SUSD4: variants seen among roughly 807,000 people sequenced by gnomAD.
The protein encoded by SUSD4 is sushi domain containing 4, also known as sushi domain-containing protein 4.
In SUSD4, 41 loss-of-function variants were observed where a neutral mutation model predicts 50.5. That is an observed-to-expected ratio of 0.81 (90% confidence interval 0.63 to 1.05). SUSD4 has a LOEUF of 1.05. Among genes scored for constraint, SUSD4 ranks in the 50% least tolerant of loss-of-function variants. SUSD4 has a pLI of 0.00. For missense variants in SUSD4, 580 were observed against 634.7 expected, an observed-to-expected ratio of 0.91 and a Z score of 0.93; for synonymous variants, 257 against 257.3, an observed-to-expected ratio of 1.00 and a Z score of 0.01.
intron 4 of SUSD4, among the ~76,000 whole-genome samples, chr1:223,265,218 T>C (rs1201546450): frequency 6.6e-6 from 1 of 152,110 alleles, no homozygotes; most frequent in African/African-American, 2.4e-5. Context: ...ACCGAGGTGC[T>C]GTAAGAGGAA....
At chr1:223,224,940 G>A (rs961309007) in intron 7 of SUSD4, among the ~76,000 whole-genome samples, 7 of 140,820 alleles carry the variant, frequency 5.0e-5, no homozygotes, top group Admixed American at 4.6e-4. Context: ...CACGATCTTG[G>A]CTCACTGAAA....
chr1:223,333,736 A>G (rs775507715), intron 2 of SUSD4, among the ~76,000 whole-genome samples: 1 of 152,160 alleles, frequency 6.6e-6, no homozygotes, highest in African/African-American at 2.4e-5. Flanking sequence ...TGCAGGGCTG[A>G]AAGCAGAGGG....
chr1:223,360,809 G>T (rs1217809152), intron 2 of SUSD4, among the ~76,000 whole-genome samples: 1 of 151,518 alleles, frequency 6.6e-6, no homozygotes, highest in Non-Finnish European at 1.5e-5. Context: ...TTTTGTGGAT[G>T]AAAAAAAAGC....
intron 3 of SUSD4, among the ~76,000 whole-genome samples, chr1:223,283,384 A>T (rs558563886): frequency 6.6e-6 from 1 of 152,354 alleles, no homozygotes; most frequent in African/African-American, 2.4e-5. Flanking sequence ...CAAATTTACA[A>T]GAAAAAAACA....
At chr1:223,244,255 C>A (rs537019491) in intron 5 of SUSD4, among the ~76,000 whole-genome samples, 2 of 152,208 alleles carry the variant, frequency 1.3e-5, no homozygotes, top group South Asian at 2.1e-4. Context: ...GGGGATTAGA[C>A]AACCAGGAGT....
At chr1:223,275,514 G>A (rs937201534) in intron 3 of SUSD4, among the ~76,000 whole-genome samples, 40 of 152,294 alleles carry the variant, frequency 2.6e-4, no homozygotes, top group African/African-American at 9.6e-4. Context: ...CCCTTCTCAT[G>A]GGCTGATGAC....
At chr1:223,361,439 C>T (rs1668972149) in intron 2 of SUSD4, among the ~76,000 whole-genome samples, 1 of 152,148 alleles carries the variant, frequency 6.6e-6, no homozygotes, top group East Asian at 1.9e-4. Flanking sequence ...AACCCTTACT[C>T]TCATCCTCTT....
At chr1:223,263,814 T>G (rs945033068) in intron 5 of SUSD4, 2 of 985,352 alleles carry the variant, frequency 2.0e-6, no homozygotes, top group African/African-American at 3.5e-5. Flanking sequence ...TATTCCATTG[T>G]TTTGCTTTGT....
In SUSD4 at chr1:223,229,560, C is replaced by T. The variant is rs573726086; in HGVS notation, c.725-172G>A. ...CTCTTTTTTAGTATTTCATGGAAGG[C>T]GGAATGGAAGCCTGCTGTAATATTC... On this transcript the variant is annotated intron_variant, in intron 5 of 8. Coordinates refer to ENST00000366878, the MANE Select transcript of SUSD4 (RefSeq NM_017982.4). The surrounding 1 kb of genome is among the most constrained non-coding windows in gnomAD (Gnocchi z 4.7). The T allele has an allele frequency of 6.7e-4, 394 of 588,756 alleles. 2 individuals carry two copies. Among genetic ancestry groups the T allele is most frequent in the African/African-American group, 5.6e-3 (302 of 54,408 alleles). 36.5% of individuals were successfully genotyped at this position (588,756 alleles called of 1,614,324 possible). A position where few individuals can be genotyped will look rare whatever the true frequency, so the allele number is the denominator to read the frequency against.
At chr1:223,316,991 C>G (rs1300494182) in intron 2 of SUSD4, among the ~76,000 whole-genome samples, 1 of 152,146 alleles carries the variant, frequency 6.6e-6, no homozygotes, top group East Asian at 1.9e-4. Context: ...AGAGGTTAGG[C>G]TGATGGAAGT....
At chr1:223,245,773 G>A (rs1393837529) in intron 5 of SUSD4, among the ~76,000 whole-genome samples, 1 of 152,192 alleles carries the variant, frequency 6.6e-6, no homozygotes, top group South Asian at 2.1e-4. Context: ...CCAATGTGGT[G>A]GGAAGAAGAG....
At chr1:223,276,116 C>A (rs749831085) in intron 3 of SUSD4, among the ~76,000 whole-genome samples, 2 of 152,222 alleles carry the variant, frequency 1.3e-5, no homozygotes, top group Non-Finnish European at 2.9e-5. Context: ...GGTAGGTCTG[C>A]ATTTTTCATA....
At chr1:223,244,518 A>C (rs1660790262) in intron 5 of SUSD4, among the ~76,000 whole-genome samples, 1 of 152,210 alleles carries the variant, frequency 6.6e-6, no homozygotes, top group African/African-American at 2.4e-5. Flanking sequence ...AACAGTCTCT[A>C]TCAAGAGAGG....
intron 2 of SUSD4, among the ~76,000 whole-genome samples, chr1:223,358,330 G>A (rs764424402): frequency 3.3e-5 from 5 of 152,240 alleles, no homozygotes; most frequent in East Asian, 1.9e-4. Context: ...TCCTGTAATC[G>A]CAGAATCAAA....
intron 5 of SUSD4, among the ~76,000 whole-genome samples, chr1:223,238,675 T>C (rs1376492489): frequency 6.6e-6 from 1 of 152,066 alleles, no homozygotes; most frequent in Non-Finnish European, 1.5e-5. Flanking sequence ...TTCTGTTTAA[T>C]TATACTGTGA....
At chr1:223,351,169 A>G (rs1422279123) in intron 2 of SUSD4, among the ~76,000 whole-genome samples, 1 of 152,264 alleles carries the variant, frequency 6.6e-6, no homozygotes, top group Non-Finnish European at 1.5e-5. Flanking sequence ...AAGCCACCAA[A>G]GCAGTAGAGC....
upstream of SUSD4, among the ~76,000 whole-genome samples, chr1:223,365,201 C>T (rs144427708): frequency 5.3e-3 from 810 of 152,086 alleles, 9 homozygotes; most frequent in African/African-American, 0.018. Flanking sequence ...GGTCGGTCCC[C>T]TGTCTCTGCG....
chr1:223,286,026 T>G (rs1664113360), intron 3 of SUSD4, among the ~76,000 whole-genome samples: 1 of 152,204 alleles, frequency 6.6e-6, no homozygotes, highest in African/African-American at 2.4e-5. Flanking sequence ...AAAAATCAGC[T>G]GAAGGAACTC....
intron 3 of SUSD4, chr1:223,289,005 T>C (rs1664316158): frequency 1.4e-6 from 1 of 729,354 alleles, no homozygotes; most frequent in Non-Finnish European, 1.7e-6. Context: ...TTATGAAATG[T>C]AGGAAAGGGA....
Sources: allele counts gnomAD v4.1 joint callset (sites outside exome capture counted in the v4.1 genomes callset), GRCh38; gene constraint gnomAD v4.1.1; non-coding constraint Gnocchi (gnomAD v3.1); transcripts MANE v1.5; gene names NCBI Gene and HGNC (gene_info 2026-07-23, HGNC 2026-07-21).